The following LRIG2 variants were observed in gnomAD, a reference collection of about 807,000 sequenced individuals.
The protein encoded by LRIG2 is leucine rich repeats and immunoglobulin like domains 2, also known as leucine-rich repeats and immunoglobulin-like domains protein 2.
In LRIG2, 93 loss-of-function variants were observed where a neutral mutation model predicts 107.8. The ratio of observed to expected loss-of-function variants is 0.86; its 90% CI spans 0.73 to 1.03. The LOEUF is 1.03. Ranked by LOEUF, LRIG2 falls within the 50% of genes least tolerant of loss-of-function variation. The pLI is 0.00. For synonymous variants in LRIG2, 471 were observed against 470.6 expected, an observed-to-expected ratio of 1.00 and a Z score of -0.01; for missense variants, 1,226 against 1,296.0, an observed-to-expected ratio of 0.95 and a Z score of 0.83.
In LRIG2 at chr1:113,091,335, G is replaced by A. The variant is rs781718224; in HGVS notation, c.257G>A (p.Arg86Gln). The A allele has an allele frequency of 1.2e-5, 19 of 1,604,208 alleles. No individual in the cohort carries two copies. The highest frequency in any genetic ancestry group is 1.7e-5 in the Admixed American group (1 of 59,466). The change falls in exon 2 of 18, where the codon CGG becomes CAG. Residue 86 changes from arginine (R) to glutamine (Q), a missense_variant. By Grantham distance (43) the Arg-to-Gln change is conservative. Transcript: ENST00000361127. The stretch of plus-strand genomic sequence containing the variant: ...TCTTTCAGGGATTTCAGTCATAATC[G>A]GTTGTCTAACTGGAACATCAGCTTG... The part of the protein sequence containing the change: ...DTAILDFSHN[R>Q]LSNWNISLES...
Position 113,073,230 on chromosome 1 carries a change from A to G in LRIG2, c.-177A>G, listed in dbSNP as rs540164037. ...AGGTGTCCGTCAGGCCGTGTGTCCC[A>G]GGCCGTCGACCCCGCTGTCGCGCTG... On this transcript the variant is annotated 5_prime_UTR_variant, in exon 1 of 18. Transcript: ENST00000361127. 8.1e-6 allele frequency: 5 copies of G among 619,352 alleles called. No homozygotes were observed. Among genetic ancestry groups the G allele is most frequent in the South Asian group, 5.7e-5 (3 of 52,362 alleles). The allele number at this position is 619,352 out of a possible 1,614,324, so 38.4% of individuals were successfully genotyped here.
chr1:113,091,958 C>T (rs1653847035), intron 2 of LRIG2, among the ~76,000 whole-genome samples: 1 of 152,130 alleles, frequency 6.6e-6, no homozygotes, highest in Admixed American at 6.6e-5. Context: ...GGTATATAGG[C>T]CTATTTGCCT....
chr1:113,111,473 C>G (rs544853316), intron 13 of LRIG2, among the ~76,000 whole-genome samples: 1 of 152,108 alleles, frequency 6.6e-6, no homozygotes, highest in African/African-American at 2.4e-5. Flanking sequence ...CCCTAGCCCC[C>G]GCTCACCCTC....
chr1:113,080,416 GTTGCCCA>G (rs1570723725), intron 1 of LRIG2, among the ~76,000 whole-genome samples: 1 of 148,654 alleles, frequency 6.7e-6, no homozygotes, highest in East Asian at 2.0e-4. Flanking sequence ...GTCTCGCTCT[GTTGCCCA>G]GGCTGGAGTG....
At position 113,125,567 on chromosome 1, in the gene LRIG2, C is replaced by T. The variant is rs1229944414; in HGVS notation, c.*1466C>T. 1.3e-5 allele frequency: 2 copies of T among 152,208 alleles called. No homozygotes were observed. The highest frequency in any genetic ancestry group is 2.1e-4 in the South Asian group (1 of 4,824). The allele number at this position is 152,208 out of a possible 1,614,324, so 9.4% of individuals were successfully genotyped here. On this transcript the variant is annotated 3_prime_UTR_variant, in exon 18 of 18. Transcript: ENST00000361127. Reference sequence around the variant, plus strand: ...GGGTTGTTACTTTATGTATAATGAACGCTTCAAAAACTGGAGGCTGATTTA... The same window carrying T: ...GGGTTGTTACTTTATGTATAATGAATGCTTCAAAAACTGGAGGCTGATTTA...
rs772147749 is a variant in LRIG2 at position 113,114,594 on chromosome 1, C to T, written c.2248C>T (p.Leu750Phe). 1.2e-6 allele frequency: 2 copies of T among 1,614,094 alleles called. No homozygotes were observed. The highest frequency in any genetic ancestry group is 1.7e-6 in the Non-Finnish European group (2 of 1,180,012). The part of the protein sequence containing the change: ...ERHFFAAANQ[L>F]LIIVDAGLED... ...ACATTTCTTTGCTGCAGCCAATCAG[C>T]TTCTCATCATTGTAGATGCCGGGCT... The change falls in exon 15 of 18, where the codon CTT becomes TTT. Residue 750 changes from leucine (L) to phenylalanine (F), a missense_variant. Leu to Phe is a conservative substitution (Grantham distance 22, BLOSUM62 0). Coordinates refer to ENST00000361127, the MANE Select transcript of LRIG2 (RefSeq NM_014813.3).
At chr1:113,107,362 G>A (rs1210304662) in intron 11 of LRIG2, among the ~76,000 whole-genome samples, 3 of 151,868 alleles carry the variant, frequency 2.0e-5, no homozygotes, top group Non-Finnish European at 2.9e-5. Context: ...TTCTTTAGTC[G>A]TCTTCAAAAC....
intron 15 of LRIG2, among the ~76,000 whole-genome samples, chr1:113,115,225 GTTTA>G (rs1374590126): frequency 6.6e-6 from 1 of 152,166 alleles, no homozygotes; most frequent in Non-Finnish European, 1.5e-5. Context: ...AAAGAATTTT[GTTTA>G]TTTGAGATAG....
At chr1:113,086,860 A>G (rs1302675288) in intron 1 of LRIG2, among the ~76,000 whole-genome samples, 1 of 152,222 alleles carries the variant, frequency 6.6e-6, no homozygotes, top group Non-Finnish European at 1.5e-5. Context: ...ATATCTATAA[A>G]TATTCAGATA....
At chr1:113,105,664 G>C (rs1296011700) in intron 11 of LRIG2, among the ~76,000 whole-genome samples, 2 of 152,096 alleles carry the variant, frequency 1.3e-5, no homozygotes, top group Non-Finnish European at 2.9e-5. Flanking sequence ...TGTAATCCCA[G>C]ATACTCAGAA....
rs890058335 is a variant in LRIG2 at position 113,123,876 on chromosome 1, A to C, written c.2973A>C (p.Glu991Asp). ...ATAATTCTTGTCTTTCATTCTCAGA[A>C]ACATTGCAGCGGCCCGTGTGGAACA... ...KKLPSTQMSG[E>D]TLQRPVWNIN... Residue 991 changes from glutamate to aspartate, a missense_variant and splice_region_variant, in exon 18 of 18, where the codon GAA becomes GAC. Around this residue, in one of 3 missense-constraint regions of LRIG2, gnomAD observed 642 missense variants for 712.2 expected, o/e 0.90. Transcript: ENST00000361127. 6.2e-7 allele frequency: 1 copy of C among 1,613,742 alleles called. No homozygotes were observed.
At chr1:113,084,576 C>T (rs1296031110) in intron 1 of LRIG2, among the ~76,000 whole-genome samples, 7 of 152,042 alleles carry the variant, frequency 4.6e-5, no homozygotes, top group South Asian at 2.1e-4. Context: ...TAGAGATTAA[C>T]GTCCTAATTA....
At chr1:113,073,723 G>A in intron 1 of LRIG2, 78 bp downstream of exon 1, 1 of 1,340,532 alleles carries the variant, frequency 7.5e-7, no homozygotes, top group Non-Finnish European at 1.0e-6. Flanking sequence ...GAGGGAGACA[G>A]GCCTGGTCGG....
chr1:113,075,243 A>T (rs1570716338), intron 1 of LRIG2, among the ~76,000 whole-genome samples: 1 of 152,250 alleles, frequency 6.6e-6, no homozygotes, highest in East Asian at 1.9e-4. Context: ...CTAAAAAAAT[A>T]GGTTGAAGTG....
Position 113,123,894 on chromosome 1 carries a change from G to T in LRIG2, c.2991G>T (p.Val997=). The part of the protein sequence containing the change: ...QMSGETLQRP[V]WNINRELGLP... ...TCTCAGAAACATTGCAGCGGCCCGT[G>T]TGGAACATAAACAGAGAACTAGGCC... Residue 997 remains valine (V), a synonymous_variant, in exon 18 of 18, where the codon GTG becomes GTT. Coordinates refer to ENST00000361127, the MANE Select transcript of LRIG2 (RefSeq NM_014813.3). The T allele has an allele frequency of 6.2e-7, 1 of 1,614,132 alleles. No individual in the cohort carries two copies. Among genetic ancestry groups the T allele is most frequent in the South Asian group, 1.1e-5 (1 of 91,076 alleles).
intron 11 of LRIG2, among the ~76,000 whole-genome samples, chr1:113,104,106 T>C (rs1213173888): frequency 6.6e-6 from 1 of 152,216 alleles, no homozygotes; most frequent in Admixed American, 6.5e-5. Flanking sequence ...TTGGCCTGTT[T>C]GGAATACTTA....
intron 2 of LRIG2, among the ~76,000 whole-genome samples, chr1:113,091,625 A>G (rs1040757716): frequency 6.6e-6 from 1 of 152,220 alleles, no homozygotes; most frequent in Non-Finnish European, 1.5e-5. Context: ...TCCTGGGGCT[A>G]AAAGTAAGAT....
chr1:113,122,593 A>G (rs1655310184), intron 17 of LRIG2, among the ~76,000 whole-genome samples: 1 of 152,178 alleles, frequency 6.6e-6, no homozygotes, highest in Non-Finnish European at 1.5e-5. Context: ...TCTTTTTTGT[A>G]ACTTTGGGGA....
intron 11 of LRIG2, among the ~76,000 whole-genome samples, chr1:113,105,036 C>T (rs1263923117): frequency 6.6e-6 from 1 of 152,080 alleles, no homozygotes; most frequent in African/African-American, 2.4e-5. Flanking sequence ...ATCCCAGCTA[C>T]TCAGGTGGCT....
Sources: gnomAD v4.1 joint callset for allele counts (sites outside exome capture counted in the v4.1 genomes callset) on GRCh38, gnomAD v4.1.1 for gene constraint, gnomAD v4.1.1 regional missense constraint, MANE v1.5 for transcripts, NCBI Gene and HGNC (gene_info 2026-07-23, HGNC 2026-07-21) for gene names.